The following CLIP2 variants were observed in gnomAD, a reference collection of about 807,000 sequenced individuals.
CLIP2 encodes CAP-Gly domain containing linker protein 2, also known as CAP-Gly domain-containing linker protein 2.
Under a neutral mutation model 111.7 loss-of-function variants are expected in CLIP2, and 41 were observed. The observed-to-expected ratio is 0.37, with a 90% CI of 0.29 to 0.48. The LOEUF is 0.48. CLIP2 is among the 20% of genes least tolerant of loss of function. The probability of loss-of-function intolerance (pLI) is 0.99; values close to 1 mark genes in which losing one functional copy is unlikely to be tolerated. For missense variants in CLIP2, 1,160 were observed against 1,422.1 expected (o/e 0.82, Z 2.96); for synonymous variants, 660 against 644.2 (o/e 1.02, Z -0.37).
intron 6 of CLIP2, among the ~76,000 whole-genome samples, chr7:74,358,793 A>T (rs1790228058): frequency 1.3e-5 from 2 of 150,042 alleles, no homozygotes; most frequent in Admixed American, 1.3e-4. Context: ...CTGGTCTGAA[A>T]CTCCTGGCCT....
At chr7:74,349,446 A>AT (rs1789907536) in intron 3 of CLIP2, among the ~76,000 whole-genome samples, 1 of 68,056 alleles carries the variant, frequency 1.5e-5, no homozygotes, top group Non-Finnish European at 3.6e-5. Flanking sequence ...AAAAAAAAAA[A>AT]AGTATGTATG....
At chr7:74,315,912 G>T (rs1224248235) in intron 1 of CLIP2, among the ~76,000 whole-genome samples, 1 of 145,490 alleles carries the variant, frequency 6.9e-6, no homozygotes, top group East Asian at 2.0e-4. Flanking sequence ...TGGGATACAT[G>T]TGCAGGATGT....
rs181441224 is a variant in CLIP2 at position 74,404,640 on chromosome 7, C to G, written c.*792C>G. 1.3e-5 allele frequency: 2 copies of G among 152,742 alleles called. No individual in the cohort carries two copies. Among genetic ancestry groups the G allele is most frequent in the Non-Finnish European group, 2.9e-5 (2 of 68,084 alleles). 9.5% of individuals were successfully genotyped at this position (152,742 alleles called of 1,614,324 possible). Reference sequence around the variant, plus strand: ...CCGTGACCTTGGGCAAACCCTGGCTCGGAGCCCAGGGCAGAGGCAGCTCAG... The same window carrying G: ...CCGTGACCTTGGGCAAACCCTGGCTGGGAGCCCAGGGCAGAGGCAGCTCAG... On this transcript the variant is annotated 3_prime_UTR_variant, in exon 17 of 17. Transcript: ENST00000223398.
At chr7:74,386,447 G>A (rs782502370) in intron 11 of CLIP2, 74 bp from the exon 12 acceptor site, 38 of 1,201,704 alleles carry the variant, frequency 3.2e-5, no homozygotes, top group Non-Finnish European at 4.5e-5. Flanking sequence ...GCTCCTGTGG[G>A]AGGGCCATGG....
chr7:74,403,940 C>T lies in CLIP2; in HGVS notation c.*92C>T. 7.4e-7 allele frequency: 1 copy of T among 1,359,440 alleles called. No individual in the cohort carries two copies. The highest frequency in any genetic ancestry group is 1.0e-6 in the Non-Finnish European group (1 of 955,794). The allele number at this position is 1,359,440 out of a possible 1,614,324, so 84.2% of individuals were successfully genotyped here. ...TCCTCCAGGCAGGAGCCGGGACTGT[C>T]ACTTTGGAGACAAAACAGTGTTTGT... is the stretch of plus-strand genomic sequence containing the variant. On this transcript the variant is annotated 3_prime_UTR_variant, in exon 17 of 17. Coordinates refer to ENST00000223398, the MANE Select transcript of CLIP2 (RefSeq NM_003388.5).
intron 10 of CLIP2, among the ~76,000 whole-genome samples, chr7:74,379,550 G>A (rs567780194): frequency 3.9e-5 from 6 of 152,078 alleles, no homozygotes; most frequent in Non-Finnish European, 8.8e-5. Flanking sequence ...ATCACCTGAG[G>A]TCAGGAGTTT....
chr7:74,328,478 G>A (rs1303778246), intron 2 of CLIP2, among the ~76,000 whole-genome samples: 2 of 152,064 alleles, frequency 1.3e-5, no homozygotes, highest in African/African-American at 4.8e-5. Context: ...CACCTCCTGG[G>A]GCTCATGTTC....
rs140973683 is a variant in CLIP2, at chr7:74,297,563, C to G, written c.-68+7829C>G. On this transcript the variant is annotated intron_variant, in intron 1 of 16. Transcript: ENST00000223398. ...CCTCAGCCTCTGTCTACTTGAACCC[C>G]TCCAGTGATGGGGGGCTCACTGCCT... 1.2e-4 allele frequency among the ~76,000 whole-genome samples: 19 copies of G among 152,236 alleles called. 1 individual carries two copies. In the East Asian group the frequency reaches 3.7e-3, roughly 29 times the overall value.
chr7:74,312,917 G>C (rs781838730), intron 1 of CLIP2, among the ~76,000 whole-genome samples: 2 of 152,132 alleles, frequency 1.3e-5, no homozygotes, highest in South Asian at 4.1e-4. Flanking sequence ...CTGACTCATC[G>C]GATGCCCTCA....
chr7:74,373,144 TTTTTTA>T (rs1251446113), intron 9 of CLIP2, 108 bp downstream of exon 9: 18 of 657,372 alleles, frequency 2.7e-5, no homozygotes, highest in Non-Finnish European at 4.1e-5. Flanking sequence ...TGCTATCATC[TTTTTTA>T]TTTTTATTTT....
At chr7:74,362,527 T>TA (rs1790360620) in intron 7 of CLIP2, among the ~76,000 whole-genome samples, 1 of 80,060 alleles carries the variant, frequency 1.2e-5, no homozygotes. Flanking sequence ...CTTTTTCTTT[T>TA]CTTTTTTTTT....
At chr7:74,335,643 T>TTTCCTTACTTCC (rs1789427295) in intron 2 of CLIP2, among the ~76,000 whole-genome samples, 1 of 137,856 alleles carries the variant, frequency 7.3e-6, no homozygotes, top group Non-Finnish European at 1.6e-5. Flanking sequence ...CCTGGCTTAT[T>TTTCCTTACTTCC]TTCCTTCCTT....
At chr7:74,381,342 C>A (rs1451387460) in intron 11 of CLIP2, among the ~76,000 whole-genome samples, 1 of 152,116 alleles carries the variant, frequency 6.6e-6, no homozygotes, top group Non-Finnish European at 1.5e-5. Flanking sequence ...GCATGCACCA[C>A]CATGCCCAGC....
chr7:74,295,250 C>G (rs1297087719), intron 1 of CLIP2, among the ~76,000 whole-genome samples: 1 of 152,140 alleles, frequency 6.6e-6, no homozygotes, highest in Non-Finnish European at 1.5e-5. Context: ...GTGTGAGCCA[C>G]TGCACCCAGC....
At chr7:74,364,437 A>C (rs1207365996) in intron 8 of CLIP2, 122 bp downstream of exon 8, 1 of 800,980 alleles carries the variant, frequency 1.2e-6, no homozygotes, top group Non-Finnish European at 2.0e-6. Flanking sequence ...CTGGGGGGGA[A>C]AATGGGGAAG....
chr7:74,383,796 G>A (rs1211094733), intron 11 of CLIP2, among the ~76,000 whole-genome samples: 2 of 151,992 alleles, frequency 1.3e-5, no homozygotes, highest in Non-Finnish European at 2.9e-5. Flanking sequence ...ACAACATGGC[G>A]AAAACCCATC....
chr7:74,295,742 C>T (rs762119576), intron 1 of CLIP2, among the ~76,000 whole-genome samples: 1 of 152,130 alleles, frequency 6.6e-6, no homozygotes, highest in Admixed American at 6.5e-5. Flanking sequence ...TCAGGGCTCA[C>T]GCCTGTAATC....
intron 1 of CLIP2, among the ~76,000 whole-genome samples, chr7:74,304,212 A>T (rs1254873101): frequency 6.6e-6 from 1 of 151,784 alleles, no homozygotes; most frequent in Non-Finnish European, 1.5e-5. Flanking sequence ...TACCTAGCCT[A>T]TCTTTATTTT....
chr7:74,387,740 C>A (rs1433338890), intron 12 of CLIP2, among the ~76,000 whole-genome samples: 1 of 152,190 alleles, frequency 6.6e-6, no homozygotes, highest in African/African-American at 2.4e-5. Context: ...CTAATCCAGG[C>A]GACAGTGTAA....
Sources: gnomAD v4.1 joint callset for allele counts (sites outside exome capture counted in the v4.1 genomes callset) on GRCh38, gnomAD v4.1.1 for gene constraint, MANE v1.5 for transcripts, NCBI Gene and HGNC (gene_info 2026-07-23, HGNC 2026-07-21) for gene names.